The following EPN2 variants were observed in gnomAD, a reference collection of about 807,000 sequenced individuals.
EPN2 encodes the protein epsin-2.
A neutral mutation model predicts 61.7 loss-of-function variants in EPN2; 34 were observed. That is an observed-to-expected ratio of 0.55 (90% CI 0.42 to 0.73). The LOEUF (loss-of-function observed/expected upper bound fraction) is 0.73, where lower values mean the gene tolerates loss of function less well. Ranked by LOEUF, EPN2 falls within the 30% of genes least tolerant of loss-of-function variation. The probability of loss-of-function intolerance (pLI) is 0.00; values close to 1 mark genes in which losing one functional copy is unlikely to be tolerated. For missense variants in EPN2, 714 were observed against 839.2 expected (o/e 0.85, Z 1.84); for synonymous variants, 349 against 353.6 (o/e 0.99, Z 0.15).
chr17:19,241,933 A>G (rs1350905828), intron 1 of EPN2, among the ~76,000 whole-genome samples: 6 of 152,148 alleles, frequency 3.9e-5, no homozygotes, highest in African/African-American at 1.4e-4. Flanking sequence ...GCCCCACAAA[A>G]TAATAGGTAT....
intron 1 of EPN2, among the ~76,000 whole-genome samples, chr17:19,252,865 A>AT (rs1273339091): frequency 1.3e-5 from 2 of 151,706 alleles, no homozygotes; most frequent in Non-Finnish European, 2.9e-5. Context: ...AATTTTTTGT[A>AT]TTTTTTTTAG....
intron 4 of EPN2, among the ~76,000 whole-genome samples, chr17:19,303,001 G>A (rs989550266): frequency 1.9e-4 from 29 of 152,236 alleles, no homozygotes; most frequent in African/African-American, 6.5e-4. Context: ...TGTCAGAGAC[G>A]GAAGCGCACT....
intron 1 of EPN2, among the ~76,000 whole-genome samples, chr17:19,252,883 G>T (rs998241208): frequency 2.0e-4 from 30 of 152,224 alleles, no homozygotes; most frequent in African/African-American, 7.2e-4. Context: ...TAGAGATGGG[G>T]TTTCACCATG....
At chr17:19,241,142 T>C (rs2044880193) in intron 1 of EPN2, among the ~76,000 whole-genome samples, 1 of 152,106 alleles carries the variant, frequency 6.6e-6, no homozygotes, top group Admixed American at 6.6e-5. Context: ...CCAAGTCTCA[T>C]GGGGATGAAG....
chr17:19,290,032 T>C lies in EPN2; in HGVS notation c.766+4242T>C, dbSNP rs531086798. On this transcript the variant is annotated intron_variant, in intron 4 of 10. Transcript: ENST00000314728. Reference sequence around the variant, plus strand: ...CACCATGCCTAGCCTCTGGCACTCATGTTTACTTGGTGGTCTTGTAATTTC... The same window carrying C: ...CACCATGCCTAGCCTCTGGCACTCACGTTTACTTGGTGGTCTTGTAATTTC... Among the ~76,000 whole-genome samples the C allele has an allele frequency of 5.9e-5, 9 of 152,184 alleles. No individual in the cohort carries two copies. In the South Asian group the frequency reaches 1.9e-3, roughly 32 times the overall value.
At chr17:19,238,852 T>C (rs1164517058) in intron 1 of EPN2, among the ~76,000 whole-genome samples, 1 of 152,194 alleles carries the variant, frequency 6.6e-6, no homozygotes, top group African/African-American at 2.4e-5. Context: ...GAACAGGGTG[T>C]TAAAATGATG....
intron 7 of EPN2, among the ~76,000 whole-genome samples, chr17:19,327,095 G>C (rs1234918393): frequency 6.6e-6 from 1 of 152,188 alleles, no homozygotes; most frequent in Non-Finnish European, 1.5e-5. Flanking sequence ...CCCACTGCTG[G>C]ATGGAACATA....
intron 4 of EPN2, 121 bp from the exon 5 acceptor site, chr17:19,309,764 G>T: frequency 1.4e-6 from 1 of 712,274 alleles, no homozygotes; most frequent in Non-Finnish European, 2.5e-6. Flanking sequence ...TGCATTGTTG[G>T]GCTACTGCTG....
chr17:19,304,575 A>T (rs954102546), intron 4 of EPN2, among the ~76,000 whole-genome samples: 5 of 152,178 alleles, frequency 3.3e-5, no homozygotes, highest in Non-Finnish European at 5.9e-5. Flanking sequence ...TCTGGTCCCC[A>T]TGGATGGAGG....
intron 4 of EPN2, among the ~76,000 whole-genome samples, chr17:19,298,415 C>G (rs1002632654): frequency 6.6e-6 from 1 of 152,096 alleles, no homozygotes. Flanking sequence ...AGGCTGGTCT[C>G]AAACTCCTGA....
intron 7 of EPN2, among the ~76,000 whole-genome samples, chr17:19,322,178 G>A (rs567523581): frequency 7.9e-5 from 12 of 152,340 alleles, no homozygotes; most frequent in African/African-American, 2.9e-4. Flanking sequence ...TATTTCTGGA[G>A]CCTCTAGAAG....
intron 1 of EPN2, among the ~76,000 whole-genome samples, chr17:19,272,485 C>G (rs1181272266): frequency 6.6e-6 from 1 of 152,090 alleles, no homozygotes; most frequent in East Asian, 1.9e-4. Flanking sequence ...AATTGAATCA[C>G]TGGTCAGAAT....
At chr17:19,269,584 C>G (rs1597983376) in intron 1 of EPN2, among the ~76,000 whole-genome samples, 2 of 152,220 alleles carry the variant, frequency 1.3e-5, no homozygotes, top group African/African-American at 4.8e-5. Context: ...TCCACCCTGA[C>G]TGACTCCATT....
chr17:19,311,119 C>T (rs187828227), intron 5 of EPN2, among the ~76,000 whole-genome samples: 4 of 152,230 alleles, frequency 2.6e-5, no homozygotes, highest in African/African-American at 7.2e-5. Flanking sequence ...AAGTTCATCC[C>T]GGCATTGTTT....
intron 1 of EPN2, among the ~76,000 whole-genome samples, chr17:19,238,534 A>G (rs886647634): frequency 6.6e-6 from 1 of 152,170 alleles, no homozygotes; most frequent in African/African-American, 2.4e-5. Context: ...GGACGTATCT[A>G]AAATCTGTGC....
chr17:19,300,852 C>T (rs527916257), intron 4 of EPN2, among the ~76,000 whole-genome samples: 1 of 152,288 alleles, frequency 6.6e-6, no homozygotes, highest in South Asian at 2.1e-4. Context: ...GCGCCAAGGC[C>T]AGCTCCAGGT....
chr17:19,293,014 C>G (rs193106590), intron 4 of EPN2, among the ~76,000 whole-genome samples: 76 of 152,272 alleles, frequency 5.0e-4, no homozygotes, highest in African/African-American at 1.7e-3. Context: ...CGGTGTACAC[C>G]TATTACAATT....
chr17:19,270,141 T>C (rs191208721), intron 1 of EPN2, among the ~76,000 whole-genome samples: 2 of 152,266 alleles, frequency 1.3e-5, no homozygotes, highest in African/African-American at 4.8e-5. Context: ...CTGTAAGATA[T>C]GAATAAGAAG....
chr17:19,307,811 T>G (rs927344682), intron 4 of EPN2: 125 of 716,840 alleles, frequency 1.7e-4, no homozygotes, highest in Non-Finnish European at 2.0e-4. Flanking sequence ...CCCCTGGTTC[T>G]TCTGTGGATC....
Sources: gnomAD v4.1 joint callset for allele counts (sites outside exome capture counted in the v4.1 genomes callset) on GRCh38, gnomAD v4.1.1 for gene constraint, MANE v1.5 for transcripts, NCBI Gene and HGNC (gene_info 2026-07-23, HGNC 2026-07-21) for gene names.